The following MICAL2 variants were observed in gnomAD, a reference collection of about 807,000 sequenced individuals.
The protein encoded by MICAL2 is microtubule associated monooxygenase, calponin and LIM domain containing 2, also known as [F-actin]-monooxygenase MICAL2.
Under a neutral mutation model 127.3 loss-of-function variants are expected in MICAL2, and 77 were observed. The ratio of observed to expected loss-of-function variants is 0.60; its 90% CI spans 0.50 to 0.73. The LOEUF is 0.73. Among genes scored for constraint, MICAL2 ranks in the 30% least tolerant of loss-of-function variants. The probability of loss-of-function intolerance (pLI) is 0.00; values close to 1 mark genes in which losing one functional copy is unlikely to be tolerated. For synonymous variants in MICAL2, 570 were observed against 551.1 expected, an observed-to-expected ratio of 1.03 and a Z score of -0.48; for missense variants, 1,351 against 1,434.4, an observed-to-expected ratio of 0.94 and a Z score of 0.94.
intron 3 of MICAL2, among the ~76,000 whole-genome samples, chr11:12,198,632 C>A (rs113264547): frequency 2.3e-3 from 344 of 152,182 alleles, no homozygotes; most frequent in African/African-American, 7.7e-3. Context: ...ACGTCCCTGG[C>A]ACCAGTGCAC....
chr11:12,187,912 G>A (rs1363655780), intron 3 of MICAL2, among the ~76,000 whole-genome samples: 1 of 152,056 alleles, frequency 6.6e-6, no homozygotes, highest in African/African-American at 2.4e-5. Flanking sequence ...CAGTTCCCGG[G>A]GTGGGGTGGG....
chr11:12,257,321 A>G (rs1454817217), intron 24 of MICAL2: 1 of 228,910 alleles, frequency 4.4e-6, no homozygotes, highest in African/African-American at 2.3e-5. Context: ...CATGCTCAGC[A>G]CCACACCTGG....
chr11:12,138,742 G>A (rs1852064207), intron 2 of MICAL2, among the ~76,000 whole-genome samples: 1 of 152,200 alleles, frequency 6.6e-6, no homozygotes, highest in Admixed American at 6.5e-5. Flanking sequence ...TCCTGTCTGA[G>A]CCAGGCAGCA....
intron 8 of MICAL2, among the ~76,000 whole-genome samples, chr11:12,217,096 G>A (rs936874800): frequency 6.6e-6 from 1 of 152,098 alleles, no homozygotes; most frequent in African/African-American, 2.4e-5. Context: ...GCCCCTGACT[G>A]GAAGCTTCTT....
At chr11:12,141,384 C>G (rs1342716564) in intron 2 of MICAL2, among the ~76,000 whole-genome samples, 1 of 152,172 alleles carries the variant, frequency 6.6e-6, no homozygotes, top group Non-Finnish European at 1.5e-5. Context: ...TCCTCAGTGT[C>G]TCTCTCAGTT....
chr11:12,213,984 C>T (rs1473454479), intron 7 of MICAL2, among the ~76,000 whole-genome samples: 3 of 152,190 alleles, frequency 2.0e-5, no homozygotes, highest in Admixed American at 2.0e-4. Flanking sequence ...TTGATTCATT[C>T]ACTCAATATT....
At chr11:12,224,614 C>A in intron 12 of MICAL2, 59 bp from the exon 13 acceptor site, 1 of 1,578,588 alleles carries the variant, frequency 6.3e-7, no homozygotes, top group Middle Eastern at 1.8e-4. Flanking sequence ...AAGGGAGCGC[C>A]AGGGCAGACC....
chr11:12,229,378 G>C (rs1028011609), intron 15 of MICAL2, among the ~76,000 whole-genome samples: 5 of 152,204 alleles, frequency 3.3e-5, no homozygotes, highest in Non-Finnish European at 7.3e-5. Flanking sequence ...CTCTGTGTGA[G>C]GGCTGCATTG....
chr11:12,167,629 G>A (rs972112325), intron 3 of MICAL2, among the ~76,000 whole-genome samples: 1 of 152,170 alleles, frequency 6.6e-6, no homozygotes, highest in Non-Finnish European at 1.5e-5. Flanking sequence ...AGTCATAACC[G>A]ATAAAGCAGA....
intron 15 of MICAL2, among the ~76,000 whole-genome samples, chr11:12,235,744 G>C (rs1241221289): frequency 2.0e-5 from 3 of 152,128 alleles, no homozygotes; most frequent in Non-Finnish European, 4.4e-5. Context: ...GACCCCAGCT[G>C]GTCTCCATGA....
chr11:12,162,819 G>GA (rs1854990135), intron 3 of MICAL2, among the ~76,000 whole-genome samples: 1 of 152,202 alleles, frequency 6.6e-6, no homozygotes, highest in African/African-American at 2.4e-5. Flanking sequence ...TAGAGATGGG[G>GA]AAATTGAGAA....
In MICAL2 at chr11:12,323,949, A is replaced by G. The variant is rs748752920; in HGVS notation, c.5329-29A>G. ...AATTTCAACCCCATTTTTCTCTGACATAATTTTTTTCTCCATTGGTTTTCA... is the reference window on the plus strand; with the variant it reads ...AATTTCAACCCCATTTTTCTCTGACGTAATTTTTTTCTCCATTGGTTTTCA... On this transcript the variant is annotated intron_variant, in intron 30 of 34. Transcript: ENST00000646065. The G allele has an allele frequency of 3.8e-6, 6 of 1,585,980 alleles. No homozygotes were observed. The African/African-American group carries it at 5.5e-5, about 14-fold the overall frequency.
intron 3 of MICAL2, chr11:12,197,837 T>C (rs986689198): frequency 6.6e-6 from 1 of 152,190 alleles, no homozygotes; most frequent in African/African-American, 2.4e-5. Context: ...TGGCTCAGGA[T>C]GGAAGGGAAG....
At position 12,242,739 on chromosome 11, in the gene MICAL2, T is replaced by A. The variant is rs766307627; in HGVS notation, c.2625T>A (p.Leu875=). 1.2e-6 allele frequency: 2 copies of A among 1,611,398 alleles called. No homozygotes were observed. Among genetic ancestry groups the A allele is most frequent in the Non-Finnish European group, 1.7e-6 (2 of 1,179,118 alleles). ...ACATTAAGGAGAAGGCGGCTCACCT[T>A]GCCTCCATGTTTGGACACGGGGATT... ...TKNIKEKAAH[L]ASMFGHGDFP... is the part of the protein sequence containing the mutation. Residue 875 remains leucine (L), a synonymous_variant, in exon 20 of 28, where the codon CTT becomes CTA. Transcript: ENST00000683283.
rs187704577 is a variant in MICAL2, at chr11:12,196,566, T to C, written c.265-7684T>C. Among the ~76,000 whole-genome samples, 460 of 152,240 alleles carry C rather than the reference T, an allele frequency of 3.0e-3. 4 individuals are homozygous for C. The highest frequency in any genetic ancestry group is 7.7e-4 in the East Asian group (4 of 5,178). ...GGAGCAGCAAGGGTGCCTGAGCAAC[T>C]GCAGGGCAGGAGAGAGTCAAGAAAG... On this transcript the variant is annotated intron_variant, in intron 3 of 27. Coordinates refer to ENST00000683283, the MANE Select transcript of MICAL2 (RefSeq NM_001282663.2).
chr11:12,130,311 A>C (rs1484656431), intron 1 of MICAL2, among the ~76,000 whole-genome samples: 1 of 152,178 alleles, frequency 6.6e-6, no homozygotes, highest in Admixed American at 6.5e-5. Flanking sequence ...AGGCAAGAGG[A>C]GGAGCAGGTG....
chr11:12,241,697 G>A (rs527897524), intron 18 of MICAL2, among the ~76,000 whole-genome samples: 2 of 152,196 alleles, frequency 1.3e-5, no homozygotes, highest in East Asian at 1.9e-4. Context: ...AATCTGAACC[G>A]AATCACTGTT....
chr11:12,260,775 C>T (rs1863008450), intron 26 of MICAL2: 1 of 985,304 alleles, frequency 1.0e-6, no homozygotes, highest in Non-Finnish European at 1.2e-6. Context: ...TGTTATCTGT[C>T]CCCCTGGGAG....
chr11:12,113,361 C>T (rs112975162), intron 1 of MICAL2, among the ~76,000 whole-genome samples: 4 of 152,118 alleles, frequency 2.6e-5, no homozygotes, highest in Admixed American at 6.5e-5. Context: ...CCTTGGGCAA[C>T]GTAGCAAGAC....
Sources: gnomAD v4.1 joint callset for allele counts (sites outside exome capture counted in the v4.1 genomes callset) on GRCh38, gnomAD v4.1.1 for gene constraint, MANE v1.5 for transcripts, NCBI Gene and HGNC (gene_info 2026-07-23, HGNC 2026-07-21) for gene names.